ROBO2: variants seen among roughly 807,000 people sequenced by gnomAD.
ROBO2 encodes roundabout homolog 2.
ROBO2 carries 53 observed loss-of-function variants against 160.8 expected under a neutral mutation model. The ratio of observed to expected loss-of-function variants is 0.33; its 90% CI spans 0.26 to 0.41. ROBO2 has a LOEUF of 0.41. Ranked by LOEUF, ROBO2 falls within the 10% of genes least tolerant of loss-of-function variation. The pLI, the probability that ROBO2 is intolerant of heterozygous loss-of-function variation, is 1.00. For missense variants in ROBO2, 1,577 were observed against 1,722.4 expected, an observed-to-expected ratio of 0.92 and a Z score of 1.49; for synonymous variants, 664 against 611.7, an observed-to-expected ratio of 1.09 and a Z score of -1.26.
At chr3:77,270,449 G>C (rs935235892) in intron 2 of ROBO2, among the ~76,000 whole-genome samples, 2 of 152,074 alleles carry the variant, frequency 1.3e-5, no homozygotes, top group African/African-American at 4.8e-5. Flanking sequence ...TAATTAAAAT[G>C]CCTCAGTATT....
intron 2 of ROBO2, among the ~76,000 whole-genome samples, chr3:77,174,301 G>A (rs1042361189): frequency 2.0e-5 from 3 of 151,694 alleles, no homozygotes; most frequent in African/African-American, 4.8e-5. Flanking sequence ...CACAGAGTAC[G>A]ATTAAAATGT....
rs191166389 is a variant in ROBO2 at position 77,142,775 on chromosome 3, G to A, written c.388+44435G>A. 3.3e-5 allele frequency among the ~76,000 whole-genome samples: 5 copies of A among 152,244 alleles called. No homozygotes were observed. In the East Asian group the frequency reaches 9.7e-4, roughly 29 times the overall value. ...CTTGCTACAAGGGGAGGAGAAGGCA[G>A]CTACCTCTTCTGAGGGCCTGAGGTA... On this transcript the variant is annotated intron_variant, in intron 2 of 25. Coordinates refer to ENST00000461745, the Ensembl canonical transcript of ROBO2.
At chr3:77,585,413 C>T (rs1395682612) in intron 16 of ROBO2, among the ~76,000 whole-genome samples, 1 of 151,614 alleles carries the variant, frequency 6.6e-6, no homozygotes, top group East Asian at 1.9e-4. Context: ...ACTTAATTTC[C>T]CTATCATTTA....
intron 2 of ROBO2, among the ~76,000 whole-genome samples, chr3:76,224,342 A>G (rs1184830037): frequency 6.6e-6 from 1 of 152,170 alleles, no homozygotes; most frequent in Non-Finnish European, 1.5e-5. Flanking sequence ...AGGCCTGAGA[A>G]ACTTAAGAGG....
chr3:77,048,314 C>T (rs965670997), intron 1 of ROBO2, among the ~76,000 whole-genome samples: 3 of 151,894 alleles, frequency 2.0e-5, no homozygotes, highest in South Asian at 4.2e-4. Flanking sequence ...GGGAACTTAT[C>T]GGTGGCCTCG....
At chr3:77,494,424 A>C (rs570383043) in intron 5 of ROBO2, among the ~76,000 whole-genome samples, 1 of 152,254 alleles carries the variant, frequency 6.6e-6, no homozygotes, top group Non-Finnish European at 1.5e-5. Flanking sequence ...TAAAAATACA[A>C]AAAGTTAGCT....
intron 6 of ROBO2, among the ~76,000 whole-genome samples, chr3:77,539,964 T>A (rs1256563557): frequency 6.6e-6 from 1 of 152,212 alleles, no homozygotes; most frequent in East Asian, 1.9e-4. Flanking sequence ...TAGACTGCTC[T>A]GCTGAAATGC....
chr3:77,138,656 C>G (rs2076466754), intron 2 of ROBO2, among the ~76,000 whole-genome samples: 1 of 147,702 alleles, frequency 6.8e-6, no homozygotes, highest in Non-Finnish European at 1.5e-5. Flanking sequence ...AAACGTTTTT[C>G]CTGTTTATCC....
At chr3:75,915,042 T>A (rs185842005) in intron 1 of ROBO2, among the ~76,000 whole-genome samples, 79 of 152,326 alleles carry the variant, frequency 5.2e-4, no homozygotes, top group South Asian at 1.2e-3. Flanking sequence ...GACTGTTGAT[T>A]GTCTTTCTCT....
rs2062706196 is a variant in ROBO2 at position 76,782,433 on chromosome 3, T to G, written c.110-315581T>G. ...ATTTTTAGTGTTTAAGTCTGTTTCC[T>G]TATTGATTTTGTTTCTAGATAATCT... On this transcript the variant is annotated intron_variant, in intron 2 of 26. Coordinates refer to the ROBO2 transcript ENST00000487694. Among the ~76,000 whole-genome samples, 3 of 150,790 alleles carry G rather than the reference T, an allele frequency of 2.0e-5. 1 individual carries two copies. The highest frequency in any genetic ancestry group is 1.3e-4 in the Admixed American group (2 of 15,062).
At chr3:76,956,171 C>T (rs1310515338) in intron 2 of ROBO2, among the ~76,000 whole-genome samples, 1 of 152,140 alleles carries the variant, frequency 6.6e-6, no homozygotes, top group Non-Finnish European at 1.5e-5. Flanking sequence ...TAATACACTA[C>T]TTGAGATCAA....
intron 17 of ROBO2, among the ~76,000 whole-genome samples, chr3:77,589,881 T>C (rs188407504): frequency 6.6e-6 from 1 of 152,292 alleles, no homozygotes; most frequent in Admixed American, 6.6e-5. Context: ...TTTACAAATA[T>C]GTAAGAAGTT....
intron 2 of ROBO2, among the ~76,000 whole-genome samples, chr3:76,834,673 T>C (rs1212335466): frequency 6.6e-6 from 1 of 152,152 alleles, no homozygotes; most frequent in Non-Finnish European, 1.5e-5. Flanking sequence ...GCCTAATTTT[T>C]AAATTTTTTT....
chr3:77,619,215 G>A (rs1187939396), intron 22 of ROBO2, among the ~76,000 whole-genome samples: 7 of 152,242 alleles, frequency 4.6e-5, no homozygotes, highest in African/African-American at 1.7e-4. Context: ...GTTTCCCCAT[G>A]TGTAAAATGA....
intron 2 of ROBO2, among the ~76,000 whole-genome samples, chr3:76,784,378 G>A (rs188353847): frequency 6.6e-6 from 1 of 151,212 alleles, no homozygotes; most frequent in East Asian, 2.0e-4. Flanking sequence ...TCTTGGGATT[G>A]TGTGTCTTCT....
At chr3:76,626,091 C>T (rs1333769555) in intron 2 of ROBO2, among the ~76,000 whole-genome samples, 2 of 152,122 alleles carry the variant, frequency 1.3e-5, no homozygotes, top group Non-Finnish European at 2.9e-5. Context: ...CTAATAGATC[C>T]AGAAGCAGAA....
chr3:77,342,755 T>C (rs2067202939), intron 2 of ROBO2, among the ~76,000 whole-genome samples: 1 of 152,190 alleles, frequency 6.6e-6, no homozygotes, highest in Non-Finnish European at 1.5e-5. Flanking sequence ...ATTGTGTCCC[T>C]TGTTGCAAGT....
At chr3:76,403,973 A>G (rs1481044821) in intron 2 of ROBO2, among the ~76,000 whole-genome samples, 1 of 151,660 alleles carries the variant, frequency 6.6e-6, no homozygotes, top group African/African-American at 2.4e-5. Flanking sequence ...AAGAAATCTG[A>G]GTTTCAGTTC....
chr3:77,289,031 G>A (rs145141019), intron 2 of ROBO2, among the ~76,000 whole-genome samples: 45 of 152,270 alleles, frequency 3.0e-4, no homozygotes, highest in African/African-American at 1.0e-3. Context: ...TTGTTTCTGT[G>A]TGTTTGTTCC....
Sources: gnomAD v4.1 joint callset for allele counts (sites outside exome capture counted in the v4.1 genomes callset) on GRCh38, gnomAD v4.1.1 for gene constraint, MANE v1.5 for transcripts, NCBI Gene and HGNC (gene_info 2026-07-23, HGNC 2026-07-21) for gene names.